The following EIPR1 variants were observed in gnomAD, a reference collection of about 807,000 sequenced individuals.
EIPR1 encodes the protein EARP complex and GARP complex interacting protein 1.
In EIPR1, 25 loss-of-function variants were observed where a neutral mutation model predicts 48.1. The observed-to-expected ratio is 0.52, with a 90% CI of 0.38 to 0.73. The LOEUF (loss-of-function observed/expected upper bound fraction) is 0.73. Among genes scored for constraint, EIPR1 ranks in the 30% least tolerant of loss-of-function variants. EIPR1 has a pLI of 0.00. For synonymous variants in EIPR1, 204 were observed against 201.9 expected (o/e 1.01, Z -0.09); for missense variants, 415 against 506.2 (o/e 0.82, Z 1.73).
intron 1 of EIPR1, 133 bp downstream of exon 1, chr2:3,377,515 A>C (rs1659932391): frequency 6.5e-6 from 8 of 1,222,212 alleles, no homozygotes; most frequent in Non-Finnish European, 9.2e-6. Flanking sequence ...ACTTCTCTGC[A>C]AAATGGGAAC....
Position 3,372,307 on chromosome 2 carries a change from T to A in EIPR1, c.42+5341A>T, listed in dbSNP as rs971481350. ...AAAGATCCAAAATTGACACCTAACA[T>A]CACAATTAAAAGAACTAGAAAAGCA... is the stretch of plus-strand genomic sequence containing the variant. On this transcript the variant is annotated intron_variant, in intron 1 of 8. Transcript: ENST00000382125. Among the ~76,000 whole-genome samples the A allele has an allele frequency of 3.4e-3, 509 of 150,670 alleles. 6 individuals are homozygous for A. Among genetic ancestry groups the A allele is most frequent in the African/African-American group, 0.012 (490 of 40,786 alleles).
intron 3 of EIPR1, among the ~76,000 whole-genome samples, chr2:3,322,450 G>A (rs146582058): frequency 8.5e-4 from 130 of 152,358 alleles, no homozygotes; most frequent in African/African-American, 2.5e-3. Context: ...GGTCTTAGCC[G>A]TAACCACGGT....
chr2:3,273,737 G>A (rs62121487), intron 3 of EIPR1, among the ~76,000 whole-genome samples: 1,641 of 152,156 alleles, frequency 0.011, 16 homozygotes, highest in Non-Finnish European at 0.015. Flanking sequence ...AATGAGAATC[G>A]TCTCTGGAGG....
chr2:3,331,138 G>GGT, intron 3 of EIPR1, among the ~76,000 whole-genome samples: 1 of 131,236 alleles, frequency 7.6e-6, no homozygotes, highest in Non-Finnish European at 1.7e-5. Context: ...AGCAGAAGCA[G>GGT]GCGTGTGCAC....
chr2:3,367,675 T>C (rs1001057924), intron 1 of EIPR1, among the ~76,000 whole-genome samples: 2 of 152,196 alleles, frequency 1.3e-5, no homozygotes, highest in African/African-American at 2.4e-5. Flanking sequence ...AAGCTATTAA[T>C]GTAACTGACC....
At chr2:3,363,897 A>T (rs537929975) in intron 1 of EIPR1, among the ~76,000 whole-genome samples, 1 of 152,236 alleles carries the variant, frequency 6.6e-6, no homozygotes, top group South Asian at 2.1e-4. Context: ...AATGGCCAAC[A>T]GGTCTATGAA....
intron 4 of EIPR1, among the ~76,000 whole-genome samples, chr2:3,226,549 C>T (rs1241538300): frequency 6.6e-6 from 1 of 152,178 alleles, no homozygotes; most frequent in Non-Finnish European, 1.5e-5. Flanking sequence ...TGGTTTCTTC[C>T]ACTCTGTACG....
At chr2:3,279,656 G>A (rs1228492215) in intron 3 of EIPR1, among the ~76,000 whole-genome samples, 1 of 152,248 alleles carries the variant, frequency 6.6e-6, no homozygotes, top group Admixed American at 6.5e-5. Context: ...CAACAGAAGC[G>A]AGTTTAAAGA....
chr2:3,264,371 C>A (rs962669240), intron 3 of EIPR1, among the ~76,000 whole-genome samples: 4 of 152,214 alleles, frequency 2.6e-5, no homozygotes, highest in African/African-American at 4.8e-5. Flanking sequence ...ATCCGTTCAT[C>A]CGGCTCATTA....
At chr2:3,274,252 C>T in intron 3 of EIPR1, 1 of 1,512,250 alleles carries the variant, frequency 6.6e-7, no homozygotes. Context: ...GCACAACTAT[C>T]TCCAAGTACC....
chr2:3,206,840 G>C (rs1665253475), intron 5 of EIPR1, among the ~76,000 whole-genome samples: 1 of 152,168 alleles, frequency 6.6e-6, no homozygotes, highest in African/African-American at 2.4e-5. Flanking sequence ...CTAATTAGAG[G>C]CAATCCTTGG....
Position 3,226,888 on chromosome 2 carries a change from C to T in EIPR1, c.417-12640G>A, listed in dbSNP as rs1666081973. ...CAGTTCCCCTGCACATGCTCTCTTG[C>T]CTGCTGCCATGTAAGACATGCCTTT... On this transcript the variant is annotated intron_variant, in intron 4 of 8. Coordinates refer to ENST00000382125, the MANE Select transcript of EIPR1 (RefSeq NM_003310.5). Among the ~76,000 whole-genome samples the T allele has an allele frequency of 2.0e-5, 3 of 152,212 alleles. 1 individual carries two copies. In the South Asian group the frequency reaches 6.2e-4, roughly 32 times the overall value.
intron 3 of EIPR1, among the ~76,000 whole-genome samples, chr2:3,284,012 C>A (rs1364873122): frequency 2.0e-5 from 3 of 151,914 alleles, no homozygotes; most frequent in African/African-American, 7.3e-5. Context: ...TGAGGATGTG[C>A]GAGGGAGCGG....
intron 3 of EIPR1, among the ~76,000 whole-genome samples, chr2:3,293,291 C>G (rs1297835545): frequency 2.6e-5 from 4 of 152,222 alleles, no homozygotes; most frequent in Non-Finnish European, 5.9e-5. Context: ...GAAAGGGCAT[C>G]TTTACTGGGT....
chr2:3,309,400 A>AC (rs1388096611), intron 3 of EIPR1, among the ~76,000 whole-genome samples: 1 of 152,226 alleles, frequency 6.6e-6, no homozygotes, highest in African/African-American at 2.4e-5. Flanking sequence ...AAAAACGTTC[A>AC]CATAACTCAG....
chr2:3,304,321 C>T (rs556717421), intron 3 of EIPR1, among the ~76,000 whole-genome samples: 1 of 152,220 alleles, frequency 6.6e-6, no homozygotes, highest in Non-Finnish European at 1.5e-5. Flanking sequence ...ACCCAGGCAA[C>T]CTCATCAGAA....
intron 3 of EIPR1, among the ~76,000 whole-genome samples, chr2:3,279,130 GA>G (rs1667945108): frequency 6.6e-6 from 1 of 152,098 alleles, no homozygotes; most frequent in Admixed American, 6.6e-5. Context: ...AGCACTTTAG[GA>G]GGTAGTTTTT....
At chr2:3,201,271 C>T (rs1335879621) in intron 5 of EIPR1, among the ~76,000 whole-genome samples, 1 of 152,198 alleles carries the variant, frequency 6.6e-6, no homozygotes, top group Non-Finnish European at 1.5e-5. Flanking sequence ...GACCTCACCC[C>T]AAATTCCTGG....
chr2:3,338,545 G>C (rs1321972441), intron 2 of EIPR1, among the ~76,000 whole-genome samples: 1 of 152,182 alleles, frequency 6.6e-6, no homozygotes, highest in Non-Finnish European at 1.5e-5. Flanking sequence ...GCTGGGGAGG[G>C]CAGGCGCAGC....
Sources: gnomAD v4.1 joint callset for allele counts (sites outside exome capture counted in the v4.1 genomes callset) on GRCh38, gnomAD v4.1.1 for gene constraint, MANE v1.5 for transcripts, NCBI Gene and HGNC (gene_info 2026-07-23, HGNC 2026-07-21) for gene names.